The following ZFYVE27 variants were observed in gnomAD, a reference collection of about 807,000 sequenced individuals.
The protein encoded by ZFYVE27 is zinc finger FYVE-type containing 27, also known as protrudin.
Under a neutral mutation model 52.8 loss-of-function variants are expected in ZFYVE27, and 36 were observed. The observed-to-expected ratio is 0.68, with a 90% CI of 0.52 to 0.90. The LOEUF is 0.90. Ranked by LOEUF, ZFYVE27 falls within the 40% of genes least tolerant of loss-of-function variation. The pLI is 0.00. For synonymous variants in ZFYVE27, 223 were observed against 215.6 expected (o/e 1.03, Z -0.30); for missense variants, 450 against 527.2 (o/e 0.85, Z 1.43).
Position 97,746,026 on chromosome 10 carries a change from C to T in ZFYVE27, c.455+1111C>T, listed in dbSNP as rs61861670. On this transcript the variant is annotated intron_variant, in intron 4 of 12. Coordinates refer to ENST00000684270, the MANE Select transcript of ZFYVE27 (RefSeq NM_001385875.1). ...TTTGAAATAGTTTTATATATATATA[C>T]ACATATATATATATATATATATATA... Among the ~76,000 whole-genome samples, 6 of 81,096 alleles carry T rather than the reference C, an allele frequency of 7.4e-5. No homozygotes were observed. In the East Asian group the frequency reaches 1.3e-3, roughly 18 times the overall value. 53.2% of individuals were successfully genotyped at this position (81,096 alleles called of 152,430 possible).
Position 97,760,065 on chromosome 10 carries a change from G to A in ZFYVE27, c.*765G>A, listed in dbSNP as rs113586403. ...ACAATGCCCCAGTGTCCCCAGCTCC[G>A]CTGGAGCAGCTGCAGGGCACTTGGA... On this transcript the variant is annotated 3_prime_UTR_variant, in exon 13 of 13. Coordinates refer to ENST00000684270, the MANE Select transcript of ZFYVE27 (RefSeq NM_001385875.1). 5.2e-5 allele frequency: 8 copies of A among 153,316 alleles called. No homozygotes were observed. The highest frequency in any genetic ancestry group is 8.7e-5 in the Non-Finnish European group (6 of 68,928). 9.5% of individuals were successfully genotyped at this position (153,316 alleles called of 1,614,324 possible). A position where few individuals can be genotyped will look rare whatever the true frequency, so the allele number is the denominator to read the frequency against.
chr10:97,751,369 G>A, intron 7 of ZFYVE27, 22 bp from the exon 8 acceptor site: 1 of 1,613,146 alleles, frequency 6.2e-7, no homozygotes, highest in Non-Finnish European at 8.5e-7. Flanking sequence ...TTCTCCTTCT[G>A]TCATAGAGTC....
intron 10 of ZFYVE27, chr10:97,754,914 G>A (rs561242293): frequency 1.1e-6 from 1 of 880,226 alleles, no homozygotes; most frequent in Admixed American, 6.2e-5. Flanking sequence ...AGAGTGCTTT[G>A]CCCAGAGACT....
intron 4 of ZFYVE27, among the ~76,000 whole-genome samples, chr10:97,747,360 A>G (rs1287899803): frequency 6.6e-6 from 1 of 152,170 alleles, no homozygotes; most frequent in Non-Finnish European, 1.5e-5. Flanking sequence ...ATACTTTGAG[A>G]CTATGTAAAT....
chr10:97,738,158 T>G (rs568514536), intron 1 of ZFYVE27, among the ~76,000 whole-genome samples: 1 of 152,288 alleles, frequency 6.6e-6, no homozygotes, highest in Admixed American at 6.5e-5. Context: ...GGAGTGATGT[T>G]TAAGCTGATA....
At chr10:97,750,725 CT>C (rs2046734612) in intron 7 of ZFYVE27, among the ~76,000 whole-genome samples, 3 of 151,704 alleles carry the variant, frequency 2.0e-5, no homozygotes, top group Admixed American at 2.0e-4. Context: ...CAGGTTCTTT[CT>C]TTCCTTTTCT....
chr10:97,753,379 G>A (rs1463721838), intron 10 of ZFYVE27, among the ~76,000 whole-genome samples, 197 bp downstream of exon 10: 1 of 152,166 alleles, frequency 6.6e-6, no homozygotes, highest in Non-Finnish European at 1.5e-5. Flanking sequence ...GGGAGTGGGT[G>A]TGGGTTCCTT....
intron 10 of ZFYVE27, 34 bp downstream of exon 10, chr10:97,753,216 G>A (rs531075369): frequency 8.8e-6 from 14 of 1,598,012 alleles, no homozygotes; most frequent in African/African-American, 2.7e-5. Context: ...GCTGGTGGGG[G>A]AGTGGGGGTG....
intron 2 of ZFYVE27, among the ~76,000 whole-genome samples, chr10:97,739,523 A>T (rs769561874): frequency 3.3e-5 from 5 of 152,180 alleles, no homozygotes; most frequent in African/African-American, 7.2e-5. Context: ...CTCCCTAAAT[A>T]TGTCAGTTTT....
rs3750616 is a variant in ZFYVE27 at position 97,750,140 on chromosome 10, C to G, written c.665-191C>G. On this transcript the variant is annotated intron_variant, in intron 6 of 12. Coordinates refer to ENST00000684270, the MANE Select transcript of ZFYVE27 (RefSeq NM_001385875.1). ...TACTACATTTAATCTCTGTAGCTGT[C>G]TGGGGCAGGTGGTGGTATCTAAGTT... 4,106 of 645,724 alleles carry G rather than the reference C, an allele frequency of 6.4e-3. 38 individuals are homozygous for G. Among genetic ancestry groups the G allele is most frequent in the East Asian group, 0.03 (1,085 of 35,986 alleles). 40.0% of individuals were successfully genotyped at this position (645,724 alleles called of 1,614,324 possible).
intron 10 of ZFYVE27, chr10:97,754,647 T>G: frequency 7.8e-7 from 1 of 1,287,596 alleles, no homozygotes; most frequent in Non-Finnish European, 1.0e-6. Flanking sequence ...TGCTGACTTC[T>G]GCAGGGCATT....
intron 4 of ZFYVE27, among the ~76,000 whole-genome samples, chr10:97,746,013 T>TTA (rs1282962248): frequency 9.5e-5 from 14 of 146,708 alleles, no homozygotes; most frequent in South Asian, 4.2e-4. Context: ...TGAAATAGTT[T>TTA]TATATATATA....
At chr10:97,742,458 C>T (rs763148687) in intron 2 of ZFYVE27, among the ~76,000 whole-genome samples, 2 of 152,136 alleles carry the variant, frequency 1.3e-5, no homozygotes, top group Non-Finnish European at 2.9e-5. Context: ...CTGTCTGTTC[C>T]AGCTCACTTA....
At chr10:97,742,764 C>CA (rs1216164391) in intron 2 of ZFYVE27, among the ~76,000 whole-genome samples, 1 of 152,142 alleles carries the variant, frequency 6.6e-6, no homozygotes, top group Non-Finnish European at 1.5e-5. Flanking sequence ...GAACATTTGT[C>CA]AGTGTCACCT....
In ZFYVE27 at chr10:97,738,356, G is replaced by T; in HGVS notation, c.-1-121G>T. ...GAGAGTACAAAGAACAGGATTTTAG[G>T]TCTGAATAGTTCACTTTCCCTTGCT... On this transcript the variant is annotated intron_variant, in intron 1 of 12. Transcript: ENST00000684270. 2.9e-6 allele frequency: 3 copies of T among 1,045,124 alleles called. No homozygotes were observed. In the Admixed American group the frequency reaches 5.2e-5, roughly 18 times the overall value. The allele number at this position is 1,045,124 out of a possible 1,614,324, so 64.7% of individuals were successfully genotyped here.
intron 10 of ZFYVE27, chr10:97,754,683 C>A (rs1316487349): frequency 1.6e-6 from 2 of 1,289,198 alleles, no homozygotes; most frequent in African/African-American, 1.5e-5. Context: ...TCTGTTTACC[C>A]TCCATACTTG....
At chr10:97,751,277 G>A (rs1262895786) in intron 7 of ZFYVE27, 114 bp from the exon 8 acceptor site, 6 of 1,160,504 alleles carry the variant, frequency 5.2e-6, no homozygotes, top group Admixed American at 1.7e-5. Context: ...TCTTGCCATT[G>A]TGCCATTTCG....
chr10:97,743,306 C>A, intron 3 of ZFYVE27, 142 bp downstream of exon 3: 2 of 1,033,676 alleles, frequency 1.9e-6, no homozygotes, highest in Non-Finnish European at 3.0e-6. Flanking sequence ...GAGTCAGAAA[C>A]AGCCTCCAGA....
At chr10:97,753,286 G>T (rs1032657399) in intron 10 of ZFYVE27, 104 bp downstream of exon 10, 199 of 1,475,886 alleles carry the variant, frequency 1.3e-4, no homozygotes, top group Non-Finnish European at 1.8e-4. Context: ...AGAACTGTGG[G>T]TACTGACTTG....
Sources: allele counts gnomAD v4.1 joint callset (sites outside exome capture counted in the v4.1 genomes callset), GRCh38; gene constraint gnomAD v4.1.1; transcripts MANE v1.5; gene names NCBI Gene and HGNC (gene_info 2026-07-23, HGNC 2026-07-21).